The following ZSCAN21 variants were observed in gnomAD, a reference collection of about 807,000 sequenced individuals.
ZSCAN21 encodes the protein zinc finger and SCAN domain containing 21.
A neutral mutation model predicts 35.6 loss-of-function variants in ZSCAN21; 26 were observed. That is an observed-to-expected ratio of 0.73 (90% CI 0.54 to 1.01). The LOEUF (loss-of-function observed/expected upper bound fraction) is 1.01, where lower values mean the gene tolerates loss of function less well. Among genes scored for constraint, ZSCAN21 ranks in the 50% least tolerant of loss-of-function variants. ZSCAN21 has a pLI of 0.00. For synonymous variants in ZSCAN21, 219 were observed against 219.3 expected, an observed-to-expected ratio of 1.00 and a Z score of 0.01; for missense variants, 593 against 587.1, an observed-to-expected ratio of 1.01 and a Z score of -0.10.
Position 100,064,737 on chromosome 7 carries a change from G to A in ZSCAN21, c.*120G>A. 1 of 1,613,160 alleles carries A rather than the reference G, an allele frequency of 6.2e-7. No homozygotes were observed. The highest frequency in any genetic ancestry group is 8.5e-7 in the Non-Finnish European group (1 of 1,179,370). The stretch of plus-strand genomic sequence containing the variant: ...TAGAGTTTGTATCACTCAACATCAG[G>A]GGATGCCTGAGGAGTGCGAGCTCCA... On this transcript the variant is annotated 3_prime_UTR_variant, in exon 4 of 4. Transcript: ENST00000292450.
At chr7:100,052,243 C>T (rs1282266899) in intron 1 of ZSCAN21, among the ~76,000 whole-genome samples, 1 of 151,934 alleles carries the variant, frequency 6.6e-6, no homozygotes. Flanking sequence ...GGCAACAAAG[C>T]GAGACCCTGC....
In ZSCAN21 at chr7:100,063,878, T is replaced by C; in HGVS notation, c.683T>C (p.Ile228Thr). ...EGLKGDIISVIIANKPEASLE... is the reference protein window; with the variant it reads ...EGLKGDIISVTIANKPEASLE... ...CTCAAAGGGGATATAATTTCTGTGA[T>C]TATCGCCAATAAACCTGAGGCCAGC... is the stretch of plus-strand genomic sequence containing the variant. The change falls in exon 4 of 4, where the codon ATT becomes ACT. Residue 228 changes from isoleucine (I) to threonine (T), a missense_variant. Transcript: ENST00000292450. 1 of 1,614,138 alleles carries C rather than the reference T, an allele frequency of 6.2e-7. No individual in the cohort carries two copies.
Position 100,056,972 on chromosome 7 carries a change from G to A in ZSCAN21, c.-35G>A. ...GGAACGAATATTCCTGCCCCACAGA[G>A]TCCCATCTTTGGTGAGGCTGTTTCT... On this transcript the variant is annotated 5_prime_UTR_variant, in exon 2 of 4. Transcript: ENST00000292450. 6.5e-7 allele frequency: 1 copy of A among 1,539,818 alleles called. No individual in the cohort carries two copies. Among genetic ancestry groups the A allele is most frequent in the African/African-American group, 1.4e-5 (1 of 72,588 alleles).
At chr7:100,063,696 C>A in intron 3 of ZSCAN21, 92 bp from the exon 4 acceptor site, 1 of 1,225,808 alleles carries the variant, frequency 8.2e-7, no homozygotes, top group Non-Finnish European at 1.1e-6. Flanking sequence ...CAGAAACCAT[C>A]AGTCTCACCT....
rs112128894 is a variant in ZSCAN21 at position 100,064,595 on chromosome 7, C to A, written c.1400C>A (p.Thr467Asn). The A allele has an allele frequency of 1.1e-4, 181 of 1,613,992 alleles. No homozygotes were observed. The African/African-American group carries it at 2.2e-3, about 20-fold the overall frequency. ...CTTTCCAAACATCAGCGAGTCCACACTGGAGAGGGAGAAGCACCGTAACTT... is the reference window on the plus strand; with the variant it reads ...CTTTCCAAACATCAGCGAGTCCACAATGGAGAGGGAGAAGCACCGTAACTT... Reference protein sequence around the residue: ...SNLSKHQRVHTGEGEAP With the variant: ...SNLSKHQRVHNGEGEAP Residue 467 changes from threonine to asparagine, a missense_variant, in exon 4 of 4, where the codon ACT (threonine) becomes AAT (asparagine). Physicochemically the swap from Thr to Asn is moderately conservative, Grantham distance 65. Transcript: ENST00000292450.
intron 3 of ZSCAN21, among the ~76,000 whole-genome samples, chr7:100,060,649 C>T (rs1792251581): frequency 6.6e-6 from 1 of 151,096 alleles, no homozygotes; most frequent in South Asian, 2.1e-4. Flanking sequence ...GGCGGATCAC[C>T]TGAGGTCAGG....
At chr7:100,052,408 A>G (rs1009455465) in intron 1 of ZSCAN21, among the ~76,000 whole-genome samples, 12 of 152,102 alleles carry the variant, frequency 7.9e-5, no homozygotes, top group Admixed American at 6.6e-4. Flanking sequence ...CAGTCTAGGC[A>G]ACAGGCTAAG....
intron 3 of ZSCAN21, 56 bp from the exon 4 acceptor site, chr7:100,063,732 T>C (rs1792466876): frequency 4.6e-6 from 7 of 1,512,736 alleles, no homozygotes; most frequent in Non-Finnish European, 6.2e-6. Flanking sequence ...CTGGTAACAG[T>C]TTCTTCCTCA....
chr7:100,058,551 G>A (rs1584376384), intron 3 of ZSCAN21, among the ~76,000 whole-genome samples: 1 of 152,190 alleles, frequency 6.6e-6, no homozygotes, highest in African/African-American at 2.4e-5. Flanking sequence ...AAGGGCAAAT[G>A]GGAAATAATT....
chr7:100,063,852 G>C lies in ZSCAN21; in HGVS notation c.657G>C (p.Gly219=), dbSNP rs780860774. ...ADEQKGSEAE[G]LKGDIISVII... is the part of the protein sequence containing the mutation. The stretch of plus-strand genomic sequence containing the variant: ...AGCAGAAAGGTTCTGAAGCAGAGGG[G>C]CTCAAAGGGGATATAATTTCTGTGA... The change falls in exon 4 of 4, where the codon GGG becomes GGC. Residue 219 remains glycine (G), a synonymous_variant. Transcript: ENST00000292450. The C allele has an allele frequency of 1.9e-6, 3 of 1,613,974 alleles. No homozygotes were observed. Among genetic ancestry groups the C allele is most frequent in the African/African-American group, 1.3e-5 (1 of 74,918 alleles).
chr7:100,050,626 A>G (rs1791825060), intron 1 of ZSCAN21, among the ~76,000 whole-genome samples: 1 of 152,076 alleles, frequency 6.6e-6, no homozygotes, highest in Admixed American at 6.6e-5. Context: ...TGAACCCACC[A>G]GGTGGAGGTT....
chr7:100,056,102 G>A (rs1257792368), intron 1 of ZSCAN21, among the ~76,000 whole-genome samples: 1 of 149,466 alleles, frequency 6.7e-6, no homozygotes, highest in East Asian at 2.0e-4. Context: ...ACCACGCCTG[G>A]CTAATTTTTT....
At chr7:100,058,486 C>T (rs533732093) in intron 3 of ZSCAN21, among the ~76,000 whole-genome samples, 138 of 152,338 alleles carry the variant, frequency 9.1e-4, no homozygotes, top group Middle Eastern at 3.4e-3. Flanking sequence ...CAAGACAGTG[C>T]AGCCCTTAGG....
Position 100,057,342 on chromosome 7 carries a change from C to T in ZSCAN21, c.336C>T (p.Ser112=), listed in dbSNP as rs202143007. Residue 112 remains serine, a synonymous_variant, in exon 2 of 4, where the codon AGC becomes AGT. Coordinates refer to ENST00000292450, the MANE Select transcript of ZSCAN21 (RefSeq NM_145914.3). The part of the protein sequence containing the change: ...QAWVQEHCPE[S]AEEAVTLLED... ...GGGTGCAGGAGCATTGCCCGGAGAG[C>T]GCTGAAGAGGCTGTCACTCTCCTCG... 1.1e-5 allele frequency: 18 copies of T among 1,599,974 alleles called. No individual in the cohort carries two copies. Among genetic ancestry groups the T allele is most frequent in the African/African-American group, 9.4e-5 (7 of 74,514 alleles).
rs939326599 is a variant in ZSCAN21 at position 100,058,003 on chromosome 7, T to C, written c.592+113T>C. ...TGATTTCATAGATTGACTTGATTAG[T>C]TGGGCTGACTGGGTGGAAATAGTCC... is the stretch of plus-strand genomic sequence containing the variant. On this transcript the variant is annotated intron_variant, in intron 3 of 3. Transcript: ENST00000292450. The C allele has an allele frequency of 4.1e-5, 42 of 1,014,196 alleles. No individual in the cohort carries two copies. The African/African-American group carries it at 6.6e-4, about 16-fold the overall frequency. 62.8% of individuals were successfully genotyped at this position (1,014,196 alleles called of 1,614,324 possible).
chr7:100,051,758 T>TA (rs2116053316), intron 1 of ZSCAN21: 1 of 152,140 alleles, frequency 6.6e-6, no homozygotes, highest in South Asian at 2.1e-4. Context: ...TGTGGGAGAT[T>TA]GGCATAAAGG....
intron 1 of ZSCAN21, among the ~76,000 whole-genome samples, chr7:100,051,277 A>ATTTTTTTTTT (rs1376849857): frequency 1.7e-3 from 76 of 45,068 alleles, no homozygotes; most frequent in East Asian, 3.5e-3. Flanking sequence ...GGATCTAGGG[A>ATTTTTTTTTT]TTTTCTTTTT....
At chr7:100,054,078 T>C (rs1791987887) in intron 1 of ZSCAN21, among the ~76,000 whole-genome samples, 1 of 151,986 alleles carries the variant, frequency 6.6e-6, no homozygotes, top group African/African-American at 2.4e-5. Context: ...ATTTTAGTCT[T>C]TGGTGCTCAG....
Position 100,057,817 on chromosome 7 carries a change from G to A in ZSCAN21, c.519G>A (p.Glu173=). The change falls in exon 3 of 4, where the codon GAG becomes GAA. Residue 173 remains glutamate, a synonymous_variant. Coordinates refer to ENST00000292450, the MANE Select transcript of ZSCAN21 (RefSeq NM_145914.3). ...CCTTGGAGACCAGTCACAAATACGA[G>A]TCTTGGGGGCCCCTGTACATCCAAG... ...PQPLETSHKY[E]SWGPLYIQES... The A allele has an allele frequency of 1.9e-6, 3 of 1,614,060 alleles. No homozygotes were observed. The South Asian group carries it at 3.3e-5, about 18-fold the overall frequency.
Sources: allele counts gnomAD v4.1 joint callset (sites outside exome capture counted in the v4.1 genomes callset), GRCh38; gene constraint gnomAD v4.1.1; transcripts MANE v1.5; gene names NCBI Gene and HGNC (gene_info 2026-07-23, HGNC 2026-07-21).